MYO18B: variants seen among roughly 807,000 people sequenced by gnomAD.
MYO18B encodes myosin XVIIIB, also known as unconventional myosin-XVIIIb.
MYO18B carries 204 observed loss-of-function variants against 273.0 expected under a neutral mutation model. The ratio of observed to expected loss-of-function variants is 0.75; its 90% CI spans 0.67 to 0.84. The LOEUF (loss-of-function observed/expected upper bound fraction) is 0.84. Ranked by LOEUF, MYO18B falls within the 40% of genes least tolerant of loss-of-function variation. The pLI, the probability that MYO18B is intolerant of heterozygous loss-of-function variation, is 0.00. For missense variants in MYO18B, 3,212 were observed against 3,287.6 expected, an observed-to-expected ratio of 0.98 and a Z score of 0.56; for synonymous variants, 1,330 against 1,305.7, an observed-to-expected ratio of 1.02 and a Z score of -0.40.
intron 21 of MYO18B, among the ~76,000 whole-genome samples, chr22:25,862,596 A>T: frequency 6.6e-6 from 1 of 152,108 alleles, no homozygotes; most frequent in Non-Finnish European, 1.5e-5. Context: ...CCAGATACGG[A>T]ATTCCTGATT....
At chr22:25,993,092 G>A (rs1422762459) in intron 40 of MYO18B, among the ~76,000 whole-genome samples, 1 of 152,168 alleles carries the variant, frequency 6.6e-6, no homozygotes. Context: ...TCAATGGCAG[G>A]GCTTCTTGCC....
In MYO18B at chr22:25,823,976, C is replaced by T. The variant is rs568824161; in HGVS notation, c.2695+298C>T. On this transcript the variant is annotated intron_variant, in intron 13 of 43. Transcript: ENST00000335473. ...GGACCAATGCATTTCCATCGGATTTCGTGTTTGTTGAGCACCTACTAAGTA... is the reference window on the plus strand; with the variant it reads ...GGACCAATGCATTTCCATCGGATTTTGTGTTTGTTGAGCACCTACTAAGTA... Among the ~76,000 whole-genome samples the T allele has an allele frequency of 1.8e-4, 28 of 152,140 alleles. No individual in the cohort carries two copies. The South Asian group carries it at 5.0e-3, about 27-fold the overall frequency.
At chr22:25,941,263 T>G (rs2092640860) in intron 34 of MYO18B, among the ~76,000 whole-genome samples, 1 of 152,186 alleles carries the variant, frequency 6.6e-6, no homozygotes, top group Non-Finnish European at 1.5e-5. Context: ...TCTCCACCCC[T>G]GAGAGGCCTT....
chr22:25,860,154 G>T (rs2090689116), intron 21 of MYO18B, among the ~76,000 whole-genome samples: 1 of 152,152 alleles, frequency 6.6e-6, no homozygotes, highest in African/African-American at 2.4e-5. Flanking sequence ...CATAAATAAA[G>T]AGTTTATTTT....
chr22:25,832,382 AG>A (rs1032800782), intron 15 of MYO18B, among the ~76,000 whole-genome samples: 1 of 152,204 alleles, frequency 6.6e-6, no homozygotes, highest in Non-Finnish European at 1.5e-5. Context: ...GCGATGGACA[AG>A]CAAAATGAGA....
In MYO18B at chr22:26,005,096, A is replaced by G. The variant is rs1219831747; in HGVS notation, c.6470+241A>G. On this transcript the variant is annotated intron_variant, in intron 42 of 43. Transcript: ENST00000335473. ...AATATAATTTTATTTACTGATCCAA[A>G]TGGTTGAAGCAATGAGGACCTAATG... 2.6e-5 allele frequency among the ~76,000 whole-genome samples: 4 copies of G among 152,206 alleles called. No homozygotes were observed. In the South Asian group the frequency reaches 6.2e-4, roughly 24 times the overall value.
chr22:26,005,167 G>C (rs1402279922), intron 42 of MYO18B, among the ~76,000 whole-genome samples: 2 of 151,984 alleles, frequency 1.3e-5, no homozygotes, highest in African/African-American at 2.4e-5. Flanking sequence ...AATAGCACAG[G>C]GTGAACATTT....
chr22:25,982,220 C>G (rs1378758201), intron 39 of MYO18B, among the ~76,000 whole-genome samples: 1 of 152,198 alleles, frequency 6.6e-6, no homozygotes, highest in Non-Finnish European at 1.5e-5. Flanking sequence ...GGCAGGGACA[C>G]AGATCCAAAC....
At position 25,768,998 on chromosome 22, in the gene MYO18B, T is replaced by C; in HGVS notation, c.1082T>C (p.Val361Ala). The change falls in exon 4 of 44, where the codon GTG (valine) becomes GCG (alanine). Residue 361 changes from valine to alanine, a missense_variant. Val to Ala is a moderately conservative substitution (Grantham distance 64). Transcript: ENST00000335473. ...PQTQMEKTSQ[V>A]QGELGDDLRM... ...ACCCAGATGGAGAAGACAAGCCAAGTGCAGGGCGAGTTGGGGGACGATCTG... is the reference window on the plus strand; with the variant it reads ...ACCCAGATGGAGAAGACAAGCCAAGCGCAGGGCGAGTTGGGGGACGATCTG... 6.2e-7 allele frequency: 1 copy of C among 1,611,260 alleles called. No individual in the cohort carries two copies. Among genetic ancestry groups the C allele is most frequent in the Non-Finnish European group, 8.5e-7 (1 of 1,178,694 alleles).
chr22:25,907,076 T>C (rs932517101), intron 31 of MYO18B, among the ~76,000 whole-genome samples: 3 of 152,244 alleles, frequency 2.0e-5, no homozygotes, highest in Non-Finnish European at 4.4e-5. Context: ...TTCAAAGCTT[T>C]CTTGGGCCCT....
At chr22:26,036,570 C>G in the MYO18B span, among the ~76,000 whole-genome samples, 9 of 152,248 alleles carry the variant, frequency 5.9e-5, no homozygotes, top group African/African-American at 2.2e-4. Context: ...TCTCATAGTT[C>G]AGGCCTACAG....
intron 18 of MYO18B, 150 bp from the exon 19 acceptor site, chr22:25,845,950 G>A: frequency 1.5e-5 from 10 of 652,800 alleles, no homozygotes; most frequent in Non-Finnish European, 2.4e-5. Context: ...TGTGAATGAA[G>A]GGGAGCAGCT....
chr22:26,028,153 G>A (rs186263409), intron 43 of MYO18B, among the ~76,000 whole-genome samples: 2 of 151,332 alleles, frequency 1.3e-5, no homozygotes, highest in African/African-American at 2.4e-5. Flanking sequence ...GCTGAGGCAG[G>A]ACAATCGCTT....
intron 3 of MYO18B, among the ~76,000 whole-genome samples, chr22:25,763,663 C>T (rs1226910893): frequency 6.6e-6 from 1 of 152,200 alleles, no homozygotes; most frequent in Non-Finnish European, 1.5e-5. Context: ...TGGCATAGTA[C>T]TTATTTGATT....
chr22:25,768,970 C>T lies in MYO18B; in HGVS notation c.1054C>T (p.Gln352Ter), dbSNP rs1263835130. The change falls in exon 4 of 44, where the codon CAG (glutamine) becomes TAG (stop). Residue 352 changes from glutamine (Q) to a stop codon, truncating the protein, a stop_gained. Coordinates refer to ENST00000335473, the MANE Select transcript of MYO18B (RefSeq NM_032608.7). LOFTEE classifies it high-confidence loss of function. ...TAAGGCAGAGAAGACAGGTGAGCCT[C>T]AGACCCAGATGGAGAAGACAAGCCA... is the stretch of plus-strand genomic sequence containing the variant. ...LSKAEKTGEP[Q>*]TQMEKTSQVQ... 1 of 1,611,428 alleles carries T rather than the reference C, an allele frequency of 6.2e-7. No homozygotes were observed. Among genetic ancestry groups the T allele is most frequent in the African/African-American group, 1.3e-5 (1 of 75,026 alleles).
the MYO18B span, among the ~76,000 whole-genome samples, chr22:26,052,852 G>C: frequency 1.3e-5 from 2 of 151,326 alleles, no homozygotes; most frequent in East Asian, 3.9e-4. Context: ...GCTCAGGCTG[G>C]AGTGCAGTGG....
At chr22:25,939,221 A>C (rs1321521448) in intron 34 of MYO18B, among the ~76,000 whole-genome samples, 1 of 152,224 alleles carries the variant, frequency 6.6e-6, no homozygotes, top group African/African-American at 2.4e-5. Context: ...CCCAGTTCAA[A>C]TTGGCTTGCA....
Position 25,805,634 on chromosome 22 carries a change from G to A in MYO18B, c.2521+7537G>A, listed in dbSNP as rs1201918111. Among the ~76,000 whole-genome samples, 5 of 152,286 alleles carry A rather than the reference G, an allele frequency of 3.3e-5. No individual in the cohort carries two copies. The South Asian group carries it at 8.3e-4, about 25-fold the overall frequency. On this transcript the variant is annotated intron_variant, in intron 12 of 43. Coordinates refer to ENST00000335473, the MANE Select transcript of MYO18B (RefSeq NM_032608.7). ...CCAGCAGGAACTCCCAAGTTCACAC[G>A]TTTGGTTGGGTTACTTCAGTAGAGC...
rs555153989 is a variant in MYO18B at position 25,749,549 on chromosome 22, A to G, written c.-110+7256A>G. Among the ~76,000 whole-genome samples the G allele has an allele frequency of 1.2e-4, 18 of 152,280 alleles. 1 individual carries two copies. The South Asian group carries it at 3.7e-3, about 32-fold the overall frequency. ...TATGCAGGTCCTCCCAGAGCCTTCC[A>G]TTGGCCAAACGAGGGGAAGCCAGAG... On this transcript the variant is annotated intron_variant, in intron 1 of 43. Transcript: ENST00000335473.
Sources: allele counts gnomAD v4.1 joint callset (sites outside exome capture counted in the v4.1 genomes callset), GRCh38; gene constraint gnomAD v4.1.1; transcripts MANE v1.5; gene names NCBI Gene and HGNC (gene_info 2026-07-23, HGNC 2026-07-21).